The following CLEC3A variants were observed in gnomAD, a reference collection of about 807,000 sequenced individuals.
The protein encoded by CLEC3A is C-type (calcium dependent, carbohydrate-recognition domain) lectin, superfamily member 1 (cartilage-derived).
In CLEC3A, 28 loss-of-function variants were observed where a neutral mutation model predicts 20.4. The ratio of observed to expected loss-of-function variants is 1.37; its 90% confidence interval spans 1.02 to 1.88. The LOEUF is 1.88. CLEC3A is among the 40% of genes most tolerant of loss of function. The probability of loss-of-function intolerance (pLI) is 0.00; values close to 1 mark genes in which losing one functional copy is unlikely to be tolerated. For missense variants in CLEC3A, 357 were observed against 240.4 expected, an observed-to-expected ratio of 1.48 and a Z score of -3.21; for synonymous variants, 110 against 88.1, an observed-to-expected ratio of 1.25 and a Z score of -1.39.
intron 1 of CLEC3A, 41 bp downstream of exon 1, chr16:78,022,782 C>A (rs1383449529): frequency 6.2e-7 from 1 of 1,608,408 alleles, no homozygotes; most frequent in East Asian, 2.2e-5. Flanking sequence ...TAGGCTTAGA[C>A]AGTGTGGGGA....
At chr16:78,024,826 T>C (rs2018792765) in intron 1 of CLEC3A, among the ~76,000 whole-genome samples, 1 of 152,184 alleles carries the variant, frequency 6.6e-6, no homozygotes, top group Non-Finnish European at 1.5e-5. Flanking sequence ...GTTTTGTTTT[T>C]TGTAGGATTG....
At chr16:78,024,152 T>C (rs1418791673) in intron 1 of CLEC3A, among the ~76,000 whole-genome samples, 1 of 152,178 alleles carries the variant, frequency 6.6e-6, no homozygotes, top group African/African-American at 2.4e-5. Context: ...AGATGAAACA[T>C]ATTGCTGAAG....
chr16:78,027,375 G>C (rs1351397010), intron 1 of CLEC3A, among the ~76,000 whole-genome samples: 1 of 152,178 alleles, frequency 6.6e-6, no homozygotes, highest in Non-Finnish European at 1.5e-5. Context: ...TCTCAGAAGA[G>C]GAGATATTTA....
intron 2 of CLEC3A, chr16:78,029,190 G>A (rs1388578680): frequency 2.2e-6 from 1 of 453,472 alleles, no homozygotes; most frequent in East Asian, 7.0e-5. Flanking sequence ...TTAAATGTCA[G>A]AGATGAGACC....
intron 2 of CLEC3A, chr16:78,029,201 T>C (rs2030012577): frequency 1.3e-5 from 6 of 450,168 alleles, no homozygotes; most frequent in South Asian, 4.8e-5. Context: ...AGATGAGACC[T>C]AAACCCAGGC....
In CLEC3A at chr16:78,030,959, G is replaced by A; in HGVS notation, c.*118G>A. ...TAAAAAATTGCAACACAAGATCAAT[G>A]TCCATAGCAATATGATAGCATCAGC... On this transcript the variant is annotated 3_prime_UTR_variant, in exon 3 of 3. Transcript: ENST00000299642. 1 of 1,171,432 alleles carries A rather than the reference G, an allele frequency of 8.5e-7. No homozygotes were observed. The highest frequency in any genetic ancestry group is 1.7e-5 in the South Asian group (1 of 60,150). 72.6% of individuals were successfully genotyped at this position (1,171,432 alleles called of 1,614,324 possible). A position where few individuals can be genotyped will look rare whatever the true frequency, so the allele number is the denominator to read the frequency against.
chr16:78,028,635 A>T (rs563350727), intron 2 of CLEC3A, among the ~76,000 whole-genome samples: 11 of 152,222 alleles, frequency 7.2e-5, no homozygotes, highest in Non-Finnish European at 1.3e-4. Flanking sequence ...CCCCACAGTT[A>T]TGCAGCCACA....
rs1240911854 is a variant in CLEC3A at position 78,030,592 on chromosome 16, A to C, written c.345A>C (p.Gln115His). 1.9e-6 allele frequency: 3 copies of C among 1,614,168 alleles called. No homozygotes were observed. Among genetic ancestry groups the C allele is most frequent in the Non-Finnish European group, 1.7e-6 (2 of 1,180,026 alleles). Reference sequence around the variant, plus strand: ...ACTCCGACGAAATCAACGCCCTCCAAGACTATGGTAAAAGGAGCCTGCCAG... The same window carrying C: ...ACTCCGACGAAATCAACGCCCTCCACGACTATGGTAAAAGGAGCCTGCCAG... Reference protein sequence around the residue: ...PRNSDEINALQDYGKRSLPGV... With the variant: ...PRNSDEINALHDYGKRSLPGV... Residue 115 changes from glutamine (Q) to histidine (H), a missense_variant, in exon 3 of 3, where the codon CAA becomes CAC. Gln to His is a conservative substitution (Grantham distance 24). Coordinates refer to ENST00000299642, the MANE Select transcript of CLEC3A (RefSeq NM_005752.6).
intron 1 of CLEC3A, among the ~76,000 whole-genome samples, chr16:78,023,482 G>C (rs11646833): frequency 0.1 from 15,593 of 152,022 alleles, 1,037 homozygotes; most frequent in East Asian, 0.27. Flanking sequence ...TTTGCAATAC[G>C]TTGAAACCTA....
In CLEC3A at chr16:78,022,757, A is replaced by C. The variant is rs763243823; in HGVS notation, c.115+16A>C. On this transcript the variant is annotated intron_variant, in intron 1 of 2. Transcript: ENST00000299642. The stretch of plus-strand genomic sequence containing the variant: ...CGAGTGAGAGGTAATGGGGCTTCTC[A>C]ATCAAGCAAAATTCTAGGCTTAGAC... The C allele has an allele frequency of 6.2e-7, 1 of 1,613,510 alleles. No homozygotes were observed. The highest frequency in any genetic ancestry group is 1.3e-5 in the African/African-American group (1 of 74,888).
chr16:78,031,355 G>C lies in CLEC3A; in HGVS notation c.*514G>C, dbSNP rs1244206993. 6.6e-6 allele frequency: 1 copy of C among 152,166 alleles called. No homozygotes were observed. Among genetic ancestry groups the C allele is most frequent in the African/African-American group, 2.4e-5 (1 of 41,348 alleles). 9.4% of individuals were successfully genotyped at this position (152,166 alleles called of 1,614,324 possible). ...CTTGTCAGCCCATTACCCTTATTTT[G>C]AATTGCTCCATCTCCTGGTGGGACT... On this transcript the variant is annotated 3_prime_UTR_variant, in exon 3 of 3. Transcript: ENST00000299642.
At chr16:78,023,112 T>G (rs1345885595) in intron 1 of CLEC3A, among the ~76,000 whole-genome samples, 1 of 152,212 alleles carries the variant, frequency 6.6e-6, no homozygotes, top group Non-Finnish European at 1.5e-5. Flanking sequence ...AGCACACTGT[T>G]TCACTAGTAG....
In CLEC3A at chr16:78,030,772, GGGCAAGTGGAGTGATGA is replaced by G; in HGVS notation, c.529_545del (p.Lys177LeufsTer32). 5 of 1,614,154 alleles carry G rather than the reference GGGCAAGTGGAGTGATGA, an allele frequency of 3.1e-6. No homozygotes were observed. The highest frequency in any genetic ancestry group is 4.2e-6 in the Non-Finnish European group (5 of 1,180,016). On this transcript the variant is annotated frameshift_variant, in exon 3 of 3. Coordinates refer to ENST00000299642, the MANE Select transcript of CLEC3A (RefSeq NM_005752.6). LOFTEE classifies it high-confidence loss of function. ...GTGTCCTGTTCTCCCAATCAGCTCAGGGCAAGTGGAGTGATGAGGCCTGTCGCAGCAGCAAGAGATAC... is the reference window on the plus strand; with the variant it reads ...GTGTCCTGTTCTCCCAATCAGCTCAGGGCCTGTCGCAGCAGCAAGAGATAC...
rs77060026 is a variant in CLEC3A at position 78,026,061 on chromosome 16, C to A, written c.116-2046C>A. ...CCCCACCAGCTGATGAATTTGCATT[C>A]TGAATGCACCCTTACATTTTTTCTG... On this transcript the variant is annotated intron_variant, in intron 1 of 2. Transcript: ENST00000299642. 3.3e-3 allele frequency among the ~76,000 whole-genome samples: 501 copies of A among 152,280 alleles called. 2 individuals are homozygous for A. The highest frequency in any genetic ancestry group is 0.011 in the African/African-American group (475 of 41,542).
Position 78,031,563 on chromosome 16 carries a change from T to C in CLEC3A, c.*722T>C, listed in dbSNP as rs1271376196. 6.6e-6 allele frequency: 1 copy of C among 152,136 alleles called. No homozygotes were observed. The highest frequency in any genetic ancestry group is 2.4e-5 in the African/African-American group (1 of 41,442). The allele number at this position is 152,136 out of a possible 1,614,324, so 9.4% of individuals were successfully genotyped here. A position where few individuals can be genotyped will look rare whatever the true frequency, so the allele number is the denominator to read the frequency against. On this transcript the variant is annotated 3_prime_UTR_variant, in exon 3 of 3. Transcript: ENST00000299642. ...CATTACAACCTCTAACTTAAATGGG[T>C]AACCCTAAGGCATATCAAAGAAGCA...
At chr16:78,024,872 G>C (rs1003066645) in intron 1 of CLEC3A, among the ~76,000 whole-genome samples, 2 of 152,152 alleles carry the variant, frequency 1.3e-5, no homozygotes, top group African/African-American at 4.8e-5. Flanking sequence ...TGCCACCCAG[G>C]CTGGAGTGCA....
Position 78,022,757 on chromosome 16 carries a change from A to G in CLEC3A, c.115+16A>G. The G allele has an allele frequency of 6.2e-7, 1 of 1,613,630 alleles. No individual in the cohort carries two copies. Among genetic ancestry groups the G allele is most frequent in the East Asian group, 2.2e-5 (1 of 44,878 alleles). ...CGAGTGAGAGGTAATGGGGCTTCTC[A>G]ATCAAGCAAAATTCTAGGCTTAGAC... is the stretch of plus-strand genomic sequence containing the variant. On this transcript the variant is annotated intron_variant, in intron 1 of 2. Transcript: ENST00000299642.
chr16:78,026,052 A>G (rs1161224639), intron 1 of CLEC3A, among the ~76,000 whole-genome samples: 1 of 152,196 alleles, frequency 6.6e-6, no homozygotes, highest in Admixed American at 6.5e-5. Flanking sequence ...CAGCTGATGA[A>G]TTTGCATTCT....
Position 78,022,645 on chromosome 16 carries a change from G to C in CLEC3A, c.19G>C (p.Val7Leu), listed in dbSNP as rs74960829. MAKNGLVICILVITLLL... is the reference protein window; with the variant it reads MAKNGLLICILVITLLL... Reference sequence around the variant, plus strand: ...CAGAGCCATGGCAAAGAATGGACTTGTAATTTGCATCCTGGTGATCACCTT... The same window carrying C: ...CAGAGCCATGGCAAAGAATGGACTTCTAATTTGCATCCTGGTGATCACCTT... Residue 7 changes from valine to leucine, a missense_variant, in exon 1 of 3, where the codon GTA becomes CTA. By Grantham distance (32) the Val-to-Leu change is conservative. Transcript: ENST00000299642. The C allele has an allele frequency of 8.0e-4, 1,292 of 1,614,156 alleles. 9 individuals carry two copies. The African/African-American group carries it at 0.015, about 19-fold the overall frequency.
Sources: gnomAD v4.1 joint callset for allele counts (sites outside exome capture counted in the v4.1 genomes callset) on GRCh38, gnomAD v4.1.1 for gene constraint, MANE v1.5 for transcripts, NCBI Gene and HGNC (gene_info 2026-07-23, HGNC 2026-07-21) for gene names.